Variants in HMGCLL1 observed in about 807,000 individuals in gnomAD.
HMGCLL1 encodes 3-hydroxy-3-methylglutaryl-CoA lyase like 1, also known as 3-hydroxymethyl-3-methylglutaryl-CoA lyase, cytoplasmic.
A neutral mutation model predicts 39.1 loss-of-function variants in HMGCLL1; 36 were observed. The observed-to-expected ratio is 0.92, with a 90% CI of 0.71 to 1.22. The LOEUF (loss-of-function observed/expected upper bound fraction) is 1.22. Ranked by LOEUF, HMGCLL1 falls within the 50% of genes most tolerant of loss-of-function variation. The probability of loss-of-function intolerance (pLI) is 0.00; values close to 1 mark genes in which losing one functional copy is unlikely to be tolerated. For synonymous variants in HMGCLL1, 149 were observed against 144.0 expected (o/e 1.03, Z -0.25); for missense variants, 451 against 416.5 (o/e 1.08, Z -0.72).
intron 5 of HMGCLL1, among the ~76,000 whole-genome samples, chr6:55,503,870 T>G (rs1196393332): frequency 2.6e-5 from 4 of 151,744 alleles, no homozygotes; most frequent in African/African-American, 9.7e-5. Flanking sequence ...CTGTGGCATT[T>G]AGCCTCTGCC....
chr6:55,550,979 T>C (rs1445927982), intron 1 of HMGCLL1, among the ~76,000 whole-genome samples: 1 of 150,830 alleles, frequency 6.6e-6, no homozygotes, highest in Non-Finnish European at 1.5e-5. Flanking sequence ...TAGCTTTGGT[T>C]AGCTGCTTCA....
At chr6:55,593,434 T>C in the HMGCLL1 span, among the ~76,000 whole-genome samples, 1 of 152,298 alleles carries the variant, frequency 6.6e-6, no homozygotes, top group East Asian at 1.9e-4. Context: ...TTTATTTTTC[T>C]ACCTCTCCAT....
intron 3 of HMGCLL1, among the ~76,000 whole-genome samples, chr6:55,526,003 A>G: frequency 6.6e-6 from 1 of 151,936 alleles, no homozygotes; most frequent in East Asian, 1.9e-4. Context: ...TGGATCTGAC[A>G]TCCATGACCA....
At chr6:55,584,303 C>A in the HMGCLL1 span, among the ~76,000 whole-genome samples, 5 of 152,076 alleles carry the variant, frequency 3.3e-5, no homozygotes, top group Non-Finnish European at 7.4e-5. Flanking sequence ...AGACAGGGAA[C>A]AAGAGATGCT....
the HMGCLL1 span, among the ~76,000 whole-genome samples, chr6:55,585,978 A>G: frequency 6.6e-6 from 1 of 152,164 alleles, no homozygotes; most frequent in Non-Finnish European, 1.5e-5. Context: ...CTAAAGCTGT[A>G]GGATCTATAT....
At chr6:55,480,175 A>C (rs1475004278) in intron 7 of HMGCLL1, among the ~76,000 whole-genome samples, 1 of 151,630 alleles carries the variant, frequency 6.6e-6, no homozygotes, top group Non-Finnish European at 1.5e-5. Context: ...TGCATAGCAA[A>C]CAACAAAGAG....
rs76811661 is a variant in HMGCLL1 at position 55,466,011 on chromosome 6, C to T, written c.796-26452G>A. On this transcript the variant is annotated intron_variant, in intron 7 of 8. Transcript: ENST00000274901. ...ATAGAAGTTAACAATTTTCCAAAGA[C>T]ATATCAAGGTAAAAATAAAAGCTTG... 3.8e-3 allele frequency among the ~76,000 whole-genome samples: 572 copies of T among 152,058 alleles called. 5 individuals carry two copies. Among genetic ancestry groups the T allele is most frequent in the African/African-American group, 0.013 (552 of 41,488 alleles).
Position 55,480,471 on chromosome 6 carries a change from T to G in HMGCLL1, c.795+14948A>C, listed in dbSNP as rs543747401. Among the ~76,000 whole-genome samples the G allele has an allele frequency of 2.1e-4, 32 of 151,786 alleles. 1 individual carries two copies. The South Asian group carries it at 4.1e-3, about 20-fold the overall frequency. On this transcript the variant is annotated intron_variant, in intron 7 of 8. Coordinates refer to ENST00000274901, the MANE Select transcript of HMGCLL1 (RefSeq NM_001042406.2). ...AGCTTTTACTCAAGGTAACAAATGCTGCTGAGGATGTGGAGAAAAAGGGAA... is the reference window on the plus strand; with the variant it reads ...AGCTTTTACTCAAGGTAACAAATGCGGCTGAGGATGTGGAGAAAAAGGGAA...
At chr6:55,654,647 C>T in the HMGCLL1 span, among the ~76,000 whole-genome samples, 1 of 151,938 alleles carries the variant, frequency 6.6e-6, no homozygotes, top group Middle Eastern at 3.4e-3. Flanking sequence ...AGTGCTTGAT[C>T]AGCACTTCCT....
intron 8 of HMGCLL1, among the ~76,000 whole-genome samples, chr6:55,436,522 G>A (rs1018042117): frequency 2.6e-5 from 4 of 151,924 alleles, no homozygotes; most frequent in Non-Finnish European, 5.9e-5. Context: ...TGTTGTCACC[G>A]GAGGAGGCAA....
rs193217413 is a variant in HMGCLL1 at position 55,539,670 on chromosome 6, A to G, written c.297+2059T>C. The stretch of plus-strand genomic sequence containing the variant: ...AAATGATGAGGACACACGGACACAT[A>G]GAGAGGAACAACACACACTGGAGCG... On this transcript the variant is annotated intron_variant, in intron 3 of 8. Transcript: ENST00000274901. Among the ~76,000 whole-genome samples, 409 of 151,556 alleles carry G rather than the reference A, an allele frequency of 2.7e-3. 4 individuals carry two copies. Among genetic ancestry groups the G allele is most frequent in the African/African-American group, 8.1e-3 (336 of 41,298 alleles).
chr6:55,635,369 A>G, the HMGCLL1 span, among the ~76,000 whole-genome samples: 1 of 152,084 alleles, frequency 6.6e-6, no homozygotes, highest in African/African-American at 2.4e-5. Flanking sequence ...AGAACTAGGG[A>G]CTGTCAAAAA....
the HMGCLL1 span, among the ~76,000 whole-genome samples, chr6:55,631,561 C>T: frequency 6.6e-6 from 1 of 152,062 alleles, no homozygotes; most frequent in Admixed American, 6.6e-5. Flanking sequence ...GTGTCTACGA[C>T]TCCCAGCAAT....
At chr6:55,571,635 C>G (rs1375864441) in intron 1 of HMGCLL1, among the ~76,000 whole-genome samples, 1 of 151,332 alleles carries the variant, frequency 6.6e-6, no homozygotes, top group Non-Finnish European at 1.5e-5. Flanking sequence ...GAAACCCCAT[C>G]TCTACTAAAA....
chr6:55,533,226 T>A (rs1218393910), intron 3 of HMGCLL1, among the ~76,000 whole-genome samples: 4 of 151,880 alleles, frequency 2.6e-5, no homozygotes, highest in Admixed American at 2.0e-4. Flanking sequence ...GAATATTTAT[T>A]ATTATATTAT....
intron 7 of HMGCLL1, among the ~76,000 whole-genome samples, chr6:55,449,949 T>A (rs1025848013): frequency 6.3e-4 from 96 of 152,250 alleles, no homozygotes; most frequent in African/African-American, 2.2e-3. Flanking sequence ...TAGTCAGTTA[T>A]CTCTTAGAGC....
At chr6:55,503,912 A>G (rs1327171405) in intron 5 of HMGCLL1, among the ~76,000 whole-genome samples, 1 of 151,668 alleles carries the variant, frequency 6.6e-6, no homozygotes, top group Non-Finnish European at 1.5e-5. Context: ...AACCATTCCC[A>G]AGAACCCTCT....
At chr6:55,617,907 T>C in the HMGCLL1 span, among the ~76,000 whole-genome samples, 3 of 152,048 alleles carry the variant, frequency 2.0e-5, no homozygotes, top group Middle Eastern at 3.2e-3. Flanking sequence ...AATGGATAAA[T>C]AAATTATGCT....
At chr6:55,628,426 C>T in the HMGCLL1 span, among the ~76,000 whole-genome samples, 601 of 151,076 alleles carry the variant, frequency 4.0e-3, 4 homozygotes, top group African/African-American at 0.013. Context: ...CCTCAGCCTC[C>T]TGAGTAGCTG....
Sources: allele counts gnomAD v4.1 joint callset (sites outside exome capture counted in the v4.1 genomes callset), GRCh38; gene constraint gnomAD v4.1.1; transcripts MANE v1.5; gene names NCBI Gene and HGNC (gene_info 2026-07-23, HGNC 2026-07-21).